The following PPARG variants were observed in gnomAD, a reference collection of about 807,000 sequenced individuals.
PPARG encodes peroxisome proliferator-activated receptor gamma.
A neutral mutation model predicts 39.2 loss-of-function variants in PPARG; 17 were observed. The ratio of observed to expected loss-of-function variants is 0.43; its 90% CI spans 0.30 to 0.65. The LOEUF (loss-of-function observed/expected upper bound fraction) is 0.65, where lower values mean the gene tolerates loss of function less well. PPARG is among the 30% of genes least tolerant of loss of function. The pLI, the probability that PPARG is intolerant of heterozygous loss-of-function variation, is 0.13. For missense variants in PPARG, 406 were observed against 585.9 expected, an observed-to-expected ratio of 0.69 and a Z score of 3.17; for synonymous variants, 223 against 215.7, an observed-to-expected ratio of 1.03 and a Z score of -0.30.
At chr3:12,350,620 G>T (rs765692533) in intron 2 of PPARG, among the ~76,000 whole-genome samples, 1 of 152,176 alleles carries the variant, frequency 6.6e-6, no homozygotes, top group Non-Finnish European at 1.5e-5. Flanking sequence ...TTGCCAAAAA[G>T]GGCAAAGGCC....
chr3:12,391,021 C>T (rs1254769671), intron 4 of PPARG, among the ~76,000 whole-genome samples: 2 of 152,130 alleles, frequency 1.3e-5, no homozygotes, highest in Non-Finnish European at 2.9e-5. Context: ...TCAAACCTAT[C>T]GCCTTTGTAA....
At chr3:12,368,002 G>C (rs1401344326) in intron 2 of PPARG, among the ~76,000 whole-genome samples, 1 of 151,920 alleles carries the variant, frequency 6.6e-6, no homozygotes, top group East Asian at 1.9e-4. Context: ...TGCATCTAAA[G>C]ATACATATTG....
chr3:12,351,992 A>C (rs941372487), intron 2 of PPARG, among the ~76,000 whole-genome samples: 1 of 152,200 alleles, frequency 6.6e-6, no homozygotes, highest in East Asian at 1.9e-4. Flanking sequence ...TTTCCCAAGA[A>C]TACATAAGGG....
intron 1 of PPARG, among the ~76,000 whole-genome samples, chr3:12,299,027 G>A (rs1052748358): frequency 6.6e-6 from 1 of 151,922 alleles, no homozygotes; most frequent in African/African-American, 2.4e-5. Flanking sequence ...GTAGAAACAG[G>A]GGTTCGCCGT....
chr3:12,415,946 T>A (rs2051040922), intron 6 of PPARG, among the ~76,000 whole-genome samples: 1 of 152,162 alleles, frequency 6.6e-6, no homozygotes, highest in Non-Finnish European at 1.5e-5. Flanking sequence ...GAAAAAAAAA[T>A]TTTTTTAAAC....
chr3:12,413,870 TTCCTC>T (rs1306826396), intron 6 of PPARG, among the ~76,000 whole-genome samples: 3 of 151,664 alleles, frequency 2.0e-5, no homozygotes, highest in Non-Finnish European at 4.4e-5. Flanking sequence ...GGGGTGCTGA[TTCCTC>T]TCTCTGTCCT....
At chr3:12,391,002 A>T (rs1422635725) in intron 4 of PPARG, among the ~76,000 whole-genome samples, 1 of 152,108 alleles carries the variant, frequency 6.6e-6, no homozygotes, top group Non-Finnish European at 1.5e-5. Context: ...GAGAATAATG[A>T]TTACTTTGTC....
intron 2 of PPARG, among the ~76,000 whole-genome samples, chr3:12,315,610 C>T (rs1263908466): frequency 6.6e-6 from 1 of 152,160 alleles, no homozygotes; most frequent in East Asian, 1.9e-4. Flanking sequence ...AATCTTAGAA[C>T]AGAGTAATGC....
intron 6 of PPARG, among the ~76,000 whole-genome samples, chr3:12,408,641 G>A (rs1467831215): frequency 6.7e-6 from 1 of 148,386 alleles, no homozygotes; most frequent in East Asian, 2.0e-4. Flanking sequence ...TATTGGTCAG[G>A]CTGGCCTTGA....
chr3:12,395,144 A>C (rs1348675065), intron 5 of PPARG, among the ~76,000 whole-genome samples: 1 of 152,180 alleles, frequency 6.6e-6, no homozygotes. Flanking sequence ...ATCAGTGATC[A>C]CCATGTCCTT....
At chr3:12,417,877 C>CTTTTTTTT (rs1248011965) in intron 7 of PPARG, among the ~76,000 whole-genome samples, 1 of 64,650 alleles carries the variant, frequency 1.5e-5, no homozygotes, top group Non-Finnish European at 3.8e-5. Context: ...TGACTTTTTT[C>CTTTTTTTT]TTTTTTTTTT....
At chr3:12,296,278 A>G (rs1017545351) in intron 1 of PPARG, among the ~76,000 whole-genome samples, 1 of 151,468 alleles carries the variant, frequency 6.6e-6, no homozygotes, top group Non-Finnish European at 1.5e-5. Flanking sequence ...AAAAAAAAAA[A>G]AGAATAAAGA....
intron 2 of PPARG, among the ~76,000 whole-genome samples, chr3:12,363,811 A>C (rs2125125154): frequency 6.6e-6 from 1 of 152,312 alleles, no homozygotes; most frequent in South Asian, 2.1e-4. Context: ...AAAACGTGGA[A>C]GGGGACCTAG....
chr3:12,362,784 A>T (rs1327297625), intron 2 of PPARG, among the ~76,000 whole-genome samples: 1 of 151,588 alleles, frequency 6.6e-6, no homozygotes, highest in East Asian at 1.9e-4. Context: ...TATGATGGCT[A>T]CTCTAGGATT....
chr3:12,331,869 G>C (rs957961976), intron 2 of PPARG, among the ~76,000 whole-genome samples: 6 of 152,188 alleles, frequency 3.9e-5, no homozygotes, highest in African/African-American at 1.4e-4. Flanking sequence ...TTAGGGAATA[G>C]AGGATGAATG....
chr3:12,410,974 C>G (rs2050861902), intron 6 of PPARG, among the ~76,000 whole-genome samples: 1 of 152,068 alleles, frequency 6.6e-6, no homozygotes, highest in African/African-American at 2.4e-5. Flanking sequence ...GCTTAGGGAC[C>G]CCAGTAGAAA....
At chr3:12,366,632 T>C (rs2049026736) in intron 2 of PPARG, among the ~76,000 whole-genome samples, 2 of 152,132 alleles carry the variant, frequency 1.3e-5, no homozygotes, top group African/African-American at 4.8e-5. Flanking sequence ...TCAAATTCTT[T>C]TTCTGCATTT....
intron 6 of PPARG, among the ~76,000 whole-genome samples, chr3:12,410,568 A>G (rs1269458960): frequency 6.6e-6 from 1 of 152,204 alleles, no homozygotes; most frequent in Non-Finnish European, 1.5e-5. Context: ...TATTTGTGCT[A>G]TATTGGACTT....
At chr3:12,378,870 T>G (rs1255118078) in intron 2 of PPARG, among the ~76,000 whole-genome samples, 1 of 152,222 alleles carries the variant, frequency 6.6e-6, no homozygotes. Context: ...CTCAAAAAGG[T>G]AACTGTGAAG....
Sources: gnomAD v4.1 joint callset for allele counts (sites outside exome capture counted in the v4.1 genomes callset) on GRCh38, gnomAD v4.1.1 for gene constraint, MANE v1.5 for transcripts, NCBI Gene and HGNC (gene_info 2026-07-23, HGNC 2026-07-21) for gene names.